Variants in LRCH2 observed in about 807,000 individuals in gnomAD.
LRCH2 encodes the protein leucine-rich repeat and calponin homology domain-containing protein 2.
LRCH2 carries 38 observed loss-of-function variants against 68.9 expected under a neutral mutation model. The ratio of observed to expected loss-of-function variants is 0.55; its 90% confidence interval spans 0.43 to 0.72. The LOEUF is 0.72. LRCH2 is among the 30% of genes least tolerant of loss of function. LRCH2 has a pLI of 0.00. For missense variants in LRCH2, 528 were observed against 572.9 expected (o/e 0.92, Z 0.80); for synonymous variants, 191 against 208.1 (o/e 0.92, Z 0.71).
At chrX:115,192,795 G>T (rs183697405) in intron 1 of LRCH2, 1 of 561,639 alleles carries the variant, frequency 1.8e-6, no homozygotes, top group Admixed American at 4.0e-5. Flanking sequence ...ATGCTTTTGT[G>T]AGGAAAAACT....
At chrX:115,140,307 G>A (rs976486775) in intron 14 of LRCH2, among the ~76,000 whole-genome samples, 5 of 111,544 alleles carry the variant, frequency 4.5e-5, no homozygotes, top group African/African-American at 1.6e-4. Flanking sequence ...GTCCTGCCAG[G>A]AGTCATCACC....
intron 16 of LRCH2, among the ~76,000 whole-genome samples, chrX:115,125,155 T>G (rs2072175258): frequency 9.2e-6 from 1 of 108,731 alleles, no homozygotes; most frequent in South Asian, 3.9e-4. Context: ...ACCTGTAATC[T>G]CAACATTTTG....
chrX:115,211,759 A>ACCCC (rs781895482), intron 1 of LRCH2, among the ~76,000 whole-genome samples: 1 of 109,811 alleles, frequency 9.1e-6, no homozygotes, highest in Non-Finnish European at 1.9e-5. Flanking sequence ...CAACATCCAC[A>ACCCC]CACCCCCCCA....
rs782046622 is a variant in LRCH2, at chrX:115,130,133, TATTA to T, written c.1740+18_1740+21del. 5.6e-5 allele frequency: 52 copies of T among 928,158 alleles called. No homozygotes were observed. The African/African-American group carries it at 7.6e-4, about 14-fold the overall frequency. 76.5% of individuals were successfully genotyped at this position (928,158 alleles called of 1,213,427 possible). A position where few individuals can be genotyped will look rare whatever the true frequency, so the allele number is the denominator to read the frequency against. On this transcript the variant is annotated intron_variant, in intron 15 of 20. Transcript: ENST00000317135. Reference sequence around the variant, plus strand: ...ATGATAAGTAAACATTTCAAATAATTATTAATATTATCTTTTCTCACCTCATCAT... The same window carrying T: ...ATGATAAGTAAACATTTCAAATAATTATATTATCTTTTCTCACCTCATCAT...
At chrX:115,200,227 A>G (rs781978709) in intron 1 of LRCH2, among the ~76,000 whole-genome samples, 19 of 111,948 alleles carry the variant, frequency 1.7e-4, no homozygotes, top group Non-Finnish European at 2.6e-4. Context: ...ATGCATCTCA[A>G]AAAACTAGAA....
chrX:115,131,762 C>G (rs1442929782), intron 14 of LRCH2, among the ~76,000 whole-genome samples: 7 of 111,748 alleles, frequency 6.3e-5, no homozygotes, highest in Non-Finnish European at 1.3e-4. Flanking sequence ...TCCTCTCCAG[C>G]ACCTGTTGTT....
chrX:115,204,758 G>A (rs1339360273), intron 1 of LRCH2, among the ~76,000 whole-genome samples: 1 of 111,115 alleles, frequency 9.0e-6, no homozygotes, highest in African/African-American at 3.3e-5. Context: ...GGATTTCGTT[G>A]TTCATATCAC....
chrX:115,192,661 G>A (rs1556561656), intron 1 of LRCH2: 36 of 1,162,219 alleles, frequency 3.1e-5, no homozygotes, highest in Non-Finnish European at 3.9e-5. Flanking sequence ...AACAGACTTG[G>A]GCCCAAAAAT....
intron 14 of LRCH2, among the ~76,000 whole-genome samples, chrX:115,137,249 A>G (rs1324815183): frequency 2.7e-5 from 3 of 111,155 alleles, no homozygotes; most frequent in Admixed American, 9.7e-5. Context: ...GGCAAGGGCA[A>G]TAGAGATAGA....
intron 1 of LRCH2, chrX:115,191,936 G>T (rs2072834120): frequency 8.6e-7 from 1 of 1,166,119 alleles, no homozygotes; most frequent in South Asian, 1.9e-5. Flanking sequence ...AACAGCGGAG[G>T]CCACTCACCC....
intron 3 of LRCH2, 102 bp downstream of exon 3, chrX:115,184,308 CT>C: frequency 1.4e-6 from 1 of 697,238 alleles, no homozygotes. Context: ...CAAGTTAGTA[CT>C]TTTTTTAAAA....
intron 2 of LRCH2, 31 bp downstream of exon 2, chrX:115,188,195 A>G: frequency 1.9e-6 from 2 of 1,057,606 alleles, no homozygotes; most frequent in Non-Finnish European, 2.5e-6. Flanking sequence ...AACAATAAAA[A>G]CCAAAATTTA....
rs1395220661 is a variant in LRCH2 at position 115,128,894 on chromosome X, T to A, written c.1740+1261A>T. On this transcript the variant is annotated intron_variant, in intron 15 of 20. Coordinates refer to ENST00000317135, the MANE Select transcript of LRCH2 (RefSeq NM_020871.4). Reference sequence around the variant, plus strand: ...ACAACATACCACATGTCAATTAAATTATAATATCTAGGGGGTGTGACCCAG... The same window carrying A: ...ACAACATACCACATGTCAATTAAATAATAATATCTAGGGGGTGTGACCCAG... Among the ~76,000 whole-genome samples the A allele has an allele frequency of 6.3e-5, 7 of 111,708 alleles. No individual in the cohort carries two copies. In the Admixed American group the frequency reaches 6.7e-4, roughly 11 times the overall value.
chrX:115,191,621 C>T lies in LRCH2; in HGVS notation c.350-3251G>A, dbSNP rs1184202645. The stretch of plus-strand genomic sequence containing the variant: ...AACAGCGGAGGCCGCTCGCCTGACA[C>T]CTACAGCCGGGGCCACGACAGTTCC... On this transcript the variant is annotated intron_variant, in intron 1 of 20. Transcript: ENST00000317135. 12 of 1,086,488 alleles carry T rather than the reference C, an allele frequency of 1.1e-5. No individual in the cohort carries two copies. In the South Asian group the frequency reaches 2.3e-4, roughly 21 times the overall value. The allele number at this position is 1,086,488 out of a possible 1,213,427, so 89.5% of individuals were successfully genotyped here.
Position 115,122,788 on chromosome X carries a change from G to C in LRCH2, c.2072C>G (p.Ala691Gly). Residue 691 changes from alanine (A) to glycine (G), a missense_variant, in exon 19 of 21, where the codon GCT becomes GGT. Ala to Gly is a moderately conservative substitution (Grantham distance 60, BLOSUM62 0). Transcript: ENST00000317135. ...TGCTGGTGATGGTACATGAATACTA[G>C]CAACAGAACGTGGCCTTATATGATT... The part of the protein sequence containing the change: ...LANHIRPRSV[A>G]SIHVPSPAVP... The C allele has an allele frequency of 8.3e-7, 1 of 1,210,649 alleles. No individual in the cohort carries two copies. Among genetic ancestry groups the C allele is most frequent in the Non-Finnish European group, 1.1e-6 (1 of 894,914 alleles).
chrX:115,177,390 C>A (rs1196753899), intron 5 of LRCH2, among the ~76,000 whole-genome samples: 1 of 111,078 alleles, frequency 9.0e-6, no homozygotes, highest in Non-Finnish European at 1.9e-5. Context: ...ATAGATAGGT[C>A]TCTTCTCCTG....
intron 14 of LRCH2, among the ~76,000 whole-genome samples, chrX:115,140,758 G>A (rs2072330185): frequency 1.8e-5 from 2 of 111,896 alleles, no homozygotes; most frequent in Admixed American, 1.9e-4. Flanking sequence ...TCCTCTACCT[G>A]TGGAAAGGGG....
chrX:115,155,352 G>T (rs1463507114), intron 12 of LRCH2, among the ~76,000 whole-genome samples: 10 of 110,239 alleles, frequency 9.1e-5, no homozygotes, highest in Non-Finnish European at 1.9e-4. Context: ...ATAATTTAAT[G>T]TGTTTTGATA....
intron 1 of LRCH2, among the ~76,000 whole-genome samples, chrX:115,233,489 T>A (rs990716593): frequency 8.1e-5 from 9 of 111,742 alleles, no homozygotes; most frequent in African/African-American, 2.9e-4. Flanking sequence ...CCAGTTTCTA[T>A]ACATCCTTCA....
Sources: gnomAD v4.1 joint callset for allele counts (sites outside exome capture counted in the v4.1 genomes callset) on GRCh38, gnomAD v4.1.1 for gene constraint, MANE v1.5 for transcripts, NCBI Gene and HGNC (gene_info 2026-07-23, HGNC 2026-07-21) for gene names.